The following DPH6 variants were observed in gnomAD, a reference collection of about 807,000 sequenced individuals.
DPH6 encodes the protein diphthamine biosynthesis 6, also known as diphthine--ammonia ligase.
A neutral mutation model predicts 38.2 loss-of-function variants in DPH6; 33 were observed. The observed-to-expected ratio is 0.86, with a 90% confidence interval of 0.65 to 1.15. DPH6 has a LOEUF of 1.15. Ranked by LOEUF, DPH6 falls within the 50% of genes most tolerant of loss-of-function variation. The probability of loss-of-function intolerance (pLI) is 0.00; values close to 1 mark genes in which losing one functional copy is unlikely to be tolerated. For synonymous variants in DPH6, 108 were observed against 103.0 expected, an observed-to-expected ratio of 1.05 and a Z score of -0.30; for missense variants, 325 against 320.0, an observed-to-expected ratio of 1.02 and a Z score of -0.12.
intron 3 of DPH6, among the ~76,000 whole-genome samples, chr15:35,478,940 G>A (rs1321346751): frequency 6.6e-6 from 1 of 151,862 alleles, no homozygotes; most frequent in Non-Finnish European, 1.5e-5. Context: ...TTTATAAACT[G>A]ATATATTAGT....
chr15:35,235,564 A>G (rs1045154480), intron 3 of DPH6, among the ~76,000 whole-genome samples: 4 of 152,246 alleles, frequency 2.6e-5, no homozygotes, highest in African/African-American at 9.6e-5. Context: ...AAAGTATTCA[A>G]TGTAATCCAG....
chr15:35,246,687 G>A (rs562232566), intron 3 of DPH6, among the ~76,000 whole-genome samples: 11 of 152,260 alleles, frequency 7.2e-5, no homozygotes, highest in Non-Finnish European at 1.0e-4. Flanking sequence ...AACTCCAATT[G>A]ATGTTAATGA....
intron 2 of DPH6, among the ~76,000 whole-genome samples, chr15:35,541,676 C>G (rs1403834690): frequency 1.3e-5 from 2 of 152,078 alleles, no homozygotes; most frequent in African/African-American, 4.8e-5. Context: ...ACAAAAGTCA[C>G]AAAAGTGCTA....
intron 6 of DPH6, among the ~76,000 whole-genome samples, chr15:35,398,492 C>G (rs914373289): frequency 6.6e-6 from 1 of 151,622 alleles, no homozygotes; most frequent in African/African-American, 2.4e-5. Context: ...GCTTCCAGAT[C>G]GCTGATCACA....
downstream of DPH6, among the ~76,000 whole-genome samples, chr15:35,330,281 A>G (rs537238714): frequency 2.0e-5 from 3 of 152,304 alleles, no homozygotes; most frequent in South Asian, 4.1e-4. Flanking sequence ...CAAGAATACA[A>G]GCCTACTCAT....
chr15:35,389,404 TTC>T (rs1263130593), intron 6 of DPH6, among the ~76,000 whole-genome samples: 1 of 152,186 alleles, frequency 6.6e-6, no homozygotes, highest in Non-Finnish European at 1.5e-5. Context: ...CTTGTTAACT[TTC>T]TGTCTCATTG....
intron 3 of DPH6, among the ~76,000 whole-genome samples, chr15:35,228,125 T>C (rs2051494754): frequency 6.6e-6 from 1 of 152,204 alleles, no homozygotes; most frequent in Non-Finnish European, 1.5e-5. Flanking sequence ...TCTGTAAATA[T>C]CTGTTAGATC....
chr15:35,376,363 G>A (rs181317144), intron 7 of DPH6, among the ~76,000 whole-genome samples: 11 of 152,260 alleles, frequency 7.2e-5, no homozygotes, highest in Non-Finnish European at 1.2e-4. Context: ...CTATCTTCAT[G>A]TGAATACAGT....
chr15:35,256,762 T>C (rs2051710976), intron 3 of DPH6, among the ~76,000 whole-genome samples: 2 of 152,074 alleles, frequency 1.3e-5, no homozygotes, highest in Non-Finnish European at 2.9e-5. Flanking sequence ...GAGGTGGAAA[T>C]GGAAGAACAT....
downstream of DPH6, among the ~76,000 whole-genome samples, chr15:35,325,919 C>CA: frequency 6.6e-6 from 1 of 152,078 alleles, no homozygotes; most frequent in South Asian, 2.1e-4. Flanking sequence ...AGACAAGACA[C>CA]AAAACGGCAG....
chr15:35,456,471 A>T (rs139864455), intron 3 of DPH6, among the ~76,000 whole-genome samples: 3,658 of 146,786 alleles, frequency 0.025, 150 homozygotes, highest in African/African-American at 0.084. Flanking sequence ...ATATATATAT[A>T]TATTTATTTA....
chr15:35,236,775 G>A (rs2051555287), intron 3 of DPH6, among the ~76,000 whole-genome samples: 1 of 152,110 alleles, frequency 6.6e-6, no homozygotes, highest in African/African-American at 2.4e-5. Flanking sequence ...AGTATGATCT[G>A]ATTAGTTTAG....
At chr15:35,468,384 G>A (rs7167977) in intron 3 of DPH6, among the ~76,000 whole-genome samples, 150,649 of 152,314 alleles carry the variant, frequency 0.99, 74,511 homozygotes, top group Middle Eastern at 1. Flanking sequence ...ATCCACTCCA[G>A]GTGAGTCACA....
the DPH6 span, among the ~76,000 whole-genome samples, chr15:35,149,479 C>T: frequency 2.0e-4 from 31 of 152,256 alleles, no homozygotes; most frequent in East Asian, 2.9e-3. Context: ...CCTCGTGATT[C>T]GCCTGCCTCG....
At chr15:35,291,983 T>C (rs1241520674) in intron 3 of DPH6, among the ~76,000 whole-genome samples, 1 of 152,118 alleles carries the variant, frequency 6.6e-6, no homozygotes, top group Non-Finnish European at 1.5e-5. Flanking sequence ...GCCACTCTAC[T>C]CCTCTAATAC....
At chr15:35,306,279 T>C (rs1195614456) in intron 3 of DPH6, among the ~76,000 whole-genome samples, 1 of 152,238 alleles carries the variant, frequency 6.6e-6, no homozygotes, top group Non-Finnish European at 1.5e-5. Context: ...TTTTATAATA[T>C]TACATAGAAA....
chr15:35,208,950 C>G, the DPH6 span, among the ~76,000 whole-genome samples: 4 of 151,958 alleles, frequency 2.6e-5, no homozygotes, highest in Admixed American at 2.0e-4. Context: ...TATTTTAAAT[C>G]AGAAACAAGG....
chr15:35,446,736 CCA>C, intron 5 of DPH6, among the ~76,000 whole-genome samples: 1 of 152,156 alleles, frequency 6.6e-6, no homozygotes, highest in East Asian at 1.9e-4. Context: ...GTGCTCCTAA[CCA>C]CCTTGTAGTT....
intron 3 of DPH6, among the ~76,000 whole-genome samples, chr15:35,303,661 G>A (rs1248643659): frequency 1.4e-5 from 2 of 141,996 alleles, no homozygotes. Flanking sequence ...TTTTGGTGAA[G>A]AGAAAATTAT....
Sources: allele counts gnomAD v4.1 joint callset (sites outside exome capture counted in the v4.1 genomes callset), GRCh38; gene constraint gnomAD v4.1.1; transcripts MANE v1.5; gene names NCBI Gene and HGNC (gene_info 2026-07-23, HGNC 2026-07-21).